The following UBE2N variants were observed in gnomAD, a reference collection of about 807,000 sequenced individuals.
The protein encoded by UBE2N is ubiquitin conjugating enzyme E2 N.
For missense variants in UBE2N, 60 were observed against 192.1 expected (o/e 0.31, Z 4.07); for synonymous variants, 70 against 69.2 (o/e 1.01, Z -0.06).
At position 93,425,689 on chromosome 12, in the gene UBE2N, A is replaced by G. The variant is rs117350222; in HGVS notation, c.31-14390T>C. On this transcript the variant is annotated intron_variant, in intron 1 of 3. Coordinates refer to ENST00000318066, the MANE Select transcript of UBE2N (RefSeq NM_003348.4). ...GTAGGCCTAGCCAAGCAGTGACTGC[A>G]AAGAGCAGGAGTATGCAGAAAAAAA... Among the ~76,000 whole-genome samples, 1,389 of 152,316 alleles carry G rather than the reference A, an allele frequency of 9.1e-3. 13 individuals are homozygous for G. The highest frequency in any genetic ancestry group is 0.015 in the Non-Finnish European group (1,036 of 68,026).
chr12:93,431,960 G>A (rs905004598), intron 1 of UBE2N, among the ~76,000 whole-genome samples: 2 of 152,158 alleles, frequency 1.3e-5, no homozygotes, highest in African/African-American at 2.4e-5. Context: ...TCGGCTGGGC[G>A]CGGTGGCTCC....
chr12:93,416,454 T>C (rs989312102), intron 1 of UBE2N, among the ~76,000 whole-genome samples: 125 of 151,090 alleles, frequency 8.3e-4, no homozygotes, highest in African/African-American at 2.9e-3. Flanking sequence ...TATCTATCTT[T>C]TTTTTTTTTT....
intron 1 of UBE2N, among the ~76,000 whole-genome samples, chr12:93,421,219 G>A (rs1289009729): frequency 2.1e-5 from 3 of 139,804 alleles, no homozygotes; most frequent in South Asian, 2.3e-4. Flanking sequence ...GGGGGGCTGG[G>A]GGGACAGATT....
intron 1 of UBE2N, among the ~76,000 whole-genome samples, chr12:93,412,000 G>C (rs1878046475): frequency 6.6e-6 from 1 of 152,080 alleles, no homozygotes; most frequent in African/African-American, 2.4e-5. Context: ...CCAAAAATTA[G>C]TTTTTAAACC....
chr12:93,417,008 A>T (rs772225103), intron 1 of UBE2N, among the ~76,000 whole-genome samples: 1 of 152,206 alleles, frequency 6.6e-6, no homozygotes, highest in Non-Finnish European at 1.5e-5. Flanking sequence ...AAGTGAGTTT[A>T]GGGCCATGCA....
rs1320524068 is a variant in UBE2N, at chr12:93,432,933, G to T, written c.30+8922C>A. ...GAAATTTTAGAATAGCTTCATTCAGGTTTTTTTTTTTTTTTGAGACGGAGT... is the reference window on the plus strand; with the variant it reads ...GAAATTTTAGAATAGCTTCATTCAGTTTTTTTTTTTTTTTTGAGACGGAGT... On this transcript the variant is annotated intron_variant, in intron 1 of 3. Transcript: ENST00000318066. Among the ~76,000 whole-genome samples, 8 of 132,654 alleles carry T rather than the reference G, an allele frequency of 6.0e-5. No individual in the cohort carries two copies. The East Asian group carries it at 6.5e-4, about 11-fold the overall frequency. The allele number at this position is 132,654 out of a possible 152,430, so 87.0% of individuals were successfully genotyped here. A position where few individuals can be genotyped will look rare whatever the true frequency, so the allele number is the denominator to read the frequency against.
At chr12:93,410,687 A>C (rs1046293857) in intron 3 of UBE2N, 47 bp downstream of exon 3, 4 of 1,607,832 alleles carry the variant, frequency 2.5e-6, no homozygotes, top group Non-Finnish European at 3.4e-6. Context: ...TGGTAATACA[A>C]ATTTGTAAAA....
chr12:93,429,386 G>A (rs1878689257), intron 1 of UBE2N: 1 of 393,240 alleles, frequency 2.5e-6, no homozygotes, highest in Admixed American at 3.4e-5. Flanking sequence ...TTTAAAATTA[G>A]TCTGATTCAG....
chr12:93,413,935 G>A (rs79579959), intron 1 of UBE2N, among the ~76,000 whole-genome samples: 22,419 of 152,028 alleles, frequency 0.15, 1,723 homozygotes, highest in East Asian at 0.21. Context: ...GCCGAGGCGG[G>A]TGGATCACCT....
intron 1 of UBE2N, among the ~76,000 whole-genome samples, chr12:93,439,026 T>C (rs1207866160): frequency 6.6e-6 from 1 of 152,214 alleles, no homozygotes; most frequent in Non-Finnish European, 1.5e-5. Context: ...CAAAAATGTC[T>C]GTAAGAATCA....
rs541521284 is a variant in UBE2N at position 93,408,497 on chromosome 12, T to C, written c.*1542A>G. The stretch of plus-strand genomic sequence containing the variant: ...TGAAGAAAATTCAAATGGGCTACAA[T>C]ATCCATTACCTTAAACTGCAAGAGA... On this transcript the variant is annotated 3_prime_UTR_variant, in exon 4 of 4. Transcript: ENST00000318066. The C allele has an allele frequency of 2.0e-5, 3 of 152,328 alleles. No homozygotes were observed. The highest frequency in any genetic ancestry group is 1.3e-4 in the Admixed American group (2 of 15,300). 9.4% of individuals were successfully genotyped at this position (152,328 alleles called of 1,614,324 possible). A position where few individuals can be genotyped will look rare whatever the true frequency, so the allele number is the denominator to read the frequency against.
At chr12:93,434,376 T>G (rs1878863433) in intron 1 of UBE2N, among the ~76,000 whole-genome samples, 1 of 152,214 alleles carries the variant, frequency 6.6e-6, no homozygotes. Flanking sequence ...GCATAACATT[T>G]CCAGTCACAG....
chr12:93,425,615 G>A (rs1389151025), intron 1 of UBE2N, among the ~76,000 whole-genome samples: 1 of 152,126 alleles, frequency 6.6e-6, no homozygotes, highest in Non-Finnish European at 1.5e-5. Context: ...CACAGAGTAA[G>A]GAAAACCACT....
Position 93,406,641 on chromosome 12 carries a change from A to T in UBE2N, c.*3398T>A, listed in dbSNP as rs1167746613. The T allele has an allele frequency of 1.3e-5, 2 of 152,208 alleles. No individual in the cohort carries two copies. Among genetic ancestry groups the T allele is most frequent in the South Asian group, 4.1e-4 (2 of 4,830 alleles). 9.4% of individuals were successfully genotyped at this position (152,208 alleles called of 1,614,324 possible). A position where few individuals can be genotyped will look rare whatever the true frequency, so the allele number is the denominator to read the frequency against. ...CATTGTGTCTGTAGTCAACATGTAT[A>T]TTTTTGTCATTATTCCTTAAACAAT... On this transcript the variant is annotated 3_prime_UTR_variant, in exon 4 of 4. Transcript: ENST00000318066.
intron 1 of UBE2N, among the ~76,000 whole-genome samples, chr12:93,417,561 G>A (rs1370967812): frequency 6.6e-6 from 1 of 152,206 alleles, no homozygotes; most frequent in Non-Finnish European, 1.5e-5. Flanking sequence ...AGTGCATCCT[G>A]TCTACAGTGA....
chr12:93,414,771 C>T (rs747879819), intron 1 of UBE2N, among the ~76,000 whole-genome samples: 11 of 152,152 alleles, frequency 7.2e-5, no homozygotes, highest in South Asian at 2.1e-4. Context: ...CCCTACCCTG[C>T]ACACTCCCTA....
In UBE2N at chr12:93,410,857, G is replaced by A. The variant is rs376366033; in HGVS notation, c.295C>T (p.Leu99=). The A allele has an allele frequency of 2.9e-5, 47 of 1,614,090 alleles. No individual in the cohort carries two copies. The highest frequency in any genetic ancestry group is 1.8e-5 in the Non-Finnish European group (21 of 1,180,052). The part of the protein sequence containing the change: ...DILKDKWSPA[L]QIRTVLLSIQ... The stretch of plus-strand genomic sequence containing the variant: ...GATAGCAGAACTGTGCGGATCTGCA[G>A]TGCTGGGGACCACTTATCTATGAAG... The change falls in exon 3 of 4, where the codon CTG becomes TTG. Residue 99 remains leucine (L), a synonymous_variant. Coordinates refer to ENST00000318066, the MANE Select transcript of UBE2N (RefSeq NM_003348.4).
At chr12:93,416,451 C>CT (rs35555714) in intron 1 of UBE2N, among the ~76,000 whole-genome samples, 30,446 of 144,638 alleles carry the variant, frequency 0.21, 3,367 homozygotes, top group Admixed American at 0.27. Flanking sequence ...ACTTATCTAT[C>CT]TTTTTTTTTT....
chr12:93,435,479 A>G (rs978552063), intron 1 of UBE2N, among the ~76,000 whole-genome samples: 1 of 152,042 alleles, frequency 6.6e-6, no homozygotes, highest in Non-Finnish European at 1.5e-5. Context: ...ATCTCAAAAT[A>G]AGAAAAAAAA....
Sources: gnomAD v4.1 joint callset for allele counts (sites outside exome capture counted in the v4.1 genomes callset) on GRCh38, gnomAD v4.1.1 for gene constraint, MANE v1.5 for transcripts, NCBI Gene and HGNC (gene_info 2026-07-23, HGNC 2026-07-21) for gene names.